Variants in STAG1 observed in about 807,000 individuals in gnomAD.
STAG1 encodes STAG1 cohesin complex component, also known as cohesin subunit SA-1.
STAG1 carries 26 observed loss-of-function variants against 170.9 expected under a neutral mutation model. That is an observed-to-expected ratio of 0.15 (90% CI 0.11 to 0.21). The LOEUF (loss-of-function observed/expected upper bound fraction) is 0.21. Among genes scored for constraint, STAG1 ranks in the 10% least tolerant of loss-of-function variants. The probability of loss-of-function intolerance (pLI) is 1.00; values close to 1 mark genes in which losing one functional copy is unlikely to be tolerated. For synonymous variants in STAG1, 514 were observed against 497.7 expected, an observed-to-expected ratio of 1.03 and a Z score of -0.44; for missense variants, 964 against 1,509.5, an observed-to-expected ratio of 0.64 and a Z score of 5.99.
chr3:136,624,926 G>A (rs560018918), intron 2 of STAG1, among the ~76,000 whole-genome samples: 2 of 152,248 alleles, frequency 1.3e-5, no homozygotes, highest in East Asian at 1.9e-4. Context: ...TAATTAGGAA[G>A]TGATGAATTT....
intron 21 of STAG1, among the ~76,000 whole-genome samples, chr3:136,410,854 A>G (rs2087606012): frequency 6.6e-6 from 1 of 152,194 alleles, no homozygotes. Context: ...CATGCCTGTC[A>G]TCCCAGCTAT....
chr3:136,512,100 A>T (rs1392210544), intron 7 of STAG1, among the ~76,000 whole-genome samples: 1 of 149,176 alleles, frequency 6.7e-6, no homozygotes, highest in Non-Finnish European at 1.5e-5. Flanking sequence ...ACAAAATAAA[A>T]AAAAAAAAAA....
At chr3:136,449,359 G>A (rs758887405) in intron 14 of STAG1, among the ~76,000 whole-genome samples, 4 of 152,058 alleles carry the variant, frequency 2.6e-5, no homozygotes, top group African/African-American at 7.2e-5. Flanking sequence ...TTAGGAGTTC[G>A]AGACCAGCCA....
intron 1 of STAG1, among the ~76,000 whole-genome samples, chr3:136,692,126 C>A (rs1479872717): frequency 6.8e-6 from 1 of 147,436 alleles, no homozygotes; most frequent in Non-Finnish European, 1.5e-5. Context: ...ACCAGCCTGG[C>A]CAACATGATG....
At chr3:136,541,538 T>TCACACACACACACACACTCACTCACACA (rs34969907) in intron 6 of STAG1, among the ~76,000 whole-genome samples, 11 of 123,216 alleles carry the variant, frequency 8.9e-5, no homozygotes, top group Non-Finnish European at 6.9e-5. Context: ...AGCTTAACAT[T>TCACACACACACACACACTCACTCACACA]CACACACACA....
At chr3:136,681,615 T>G (rs1450654762) in intron 1 of STAG1, among the ~76,000 whole-genome samples, 1 of 152,180 alleles carries the variant, frequency 6.6e-6, no homozygotes, top group Non-Finnish European at 1.5e-5. Flanking sequence ...AAAAGATAAC[T>G]TCATTTTTCA....
intron 4 of STAG1, among the ~76,000 whole-genome samples, chr3:136,571,752 G>A (rs1436141219): frequency 1.3e-5 from 2 of 151,142 alleles, no homozygotes; most frequent in Non-Finnish European, 1.5e-5. Context: ...ATGGTGGCAC[G>A]TGACCACAGT....
At chr3:136,632,169 C>CA (rs779287580) in intron 1 of STAG1, among the ~76,000 whole-genome samples, 26 of 151,932 alleles carry the variant, frequency 1.7e-4, no homozygotes, top group African/African-American at 6.0e-4. Context: ...GATAATCTTT[C>CA]AAAAAAATGA....
intron 1 of STAG1, among the ~76,000 whole-genome samples, chr3:136,730,998 G>C (rs192774241): frequency 6.6e-6 from 1 of 152,298 alleles, no homozygotes; most frequent in African/African-American, 2.4e-5. Flanking sequence ...AAGTTTCTAA[G>C]TAATGCTGAC....
chr3:136,358,656 C>T (rs1576386653), intron 27 of STAG1, among the ~76,000 whole-genome samples: 1 of 152,250 alleles, frequency 6.6e-6, no homozygotes, highest in East Asian at 1.9e-4. Flanking sequence ...CTCACTATAA[C>T]CTCAAACTCC....
chr3:136,382,010 A>C (rs940042155), intron 22 of STAG1, among the ~76,000 whole-genome samples: 5 of 152,198 alleles, frequency 3.3e-5, no homozygotes, highest in Non-Finnish European at 7.3e-5. Flanking sequence ...ATATTTAATA[A>C]ATAGTTACTC....
chr3:136,338,988 T>C (rs1190721329), intron 32 of STAG1, among the ~76,000 whole-genome samples: 3 of 152,206 alleles, frequency 2.0e-5, no homozygotes, highest in African/African-American at 4.8e-5. Context: ...TGCATGATGC[T>C]GAAGTCCTAA....
intron 4 of STAG1, among the ~76,000 whole-genome samples, chr3:136,600,719 G>A (rs13090823): frequency 6.6e-6 from 1 of 151,962 alleles, no homozygotes; most frequent in Non-Finnish European, 1.5e-5. Flanking sequence ...ATTTTTAGTA[G>A]AGATGGGATT....
chr3:136,694,680 G>A (rs1017228424), intron 1 of STAG1, among the ~76,000 whole-genome samples: 1 of 151,638 alleles, frequency 6.6e-6, no homozygotes, highest in African/African-American at 2.4e-5. Context: ...AAATTAGTCA[G>A]CAAAATGACA....
At chr3:136,536,100 C>G (rs1576580928) in intron 6 of STAG1, among the ~76,000 whole-genome samples, 1 of 152,050 alleles carries the variant, frequency 6.6e-6, no homozygotes, top group African/African-American at 2.4e-5. Context: ...CTAGTAACCA[C>G]TGACATAAAT....
rs772628263 is a variant in STAG1, at chr3:136,357,729, T to C, written c.3056A>G (p.Lys1019Arg). Reference sequence around the variant, plus strand: ...GTAATGTGCAACTTACACTGTCTTTTTGTCCTGTCGAAGAAGTTTAGAAGA... The same window carrying C: ...GTAATGTGCAACTTACACTGTCTTTCTGTCCTGTCGAAGAAGTTTAGAAGA... ...EFSSKLLRQD[K>R]KTVHSYLEKF... is the part of the protein sequence containing the mutation. The change falls in exon 28 of 34, where the codon AAA (lysine) becomes AGA (arginine). Residue 1019 changes from lysine to arginine, a missense_variant. Physicochemically the swap from Lys to Arg is conservative, Grantham distance 26 (BLOSUM62 2). This residue lies in a region of STAG1 where 149 missense variants were observed against 301.3 expected (regional missense o/e 0.49). Transcript: ENST00000383202. 6.2e-7 allele frequency: 1 copy of C among 1,600,546 alleles called. No homozygotes were observed. The highest frequency in any genetic ancestry group is 8.5e-7 in the Non-Finnish European group (1 of 1,176,962).
intron 7 of STAG1, among the ~76,000 whole-genome samples, chr3:136,520,085 T>C (rs1934595983): frequency 6.6e-6 from 1 of 152,114 alleles, no homozygotes; most frequent in African/African-American, 2.4e-5. Flanking sequence ...AAAAAAAGAA[T>C]GTAAAAACAT....
At chr3:136,548,693 C>G (rs1208774168) in intron 5 of STAG1, among the ~76,000 whole-genome samples, 1 of 152,070 alleles carries the variant, frequency 6.6e-6, no homozygotes, top group Non-Finnish European at 1.5e-5. Context: ...CCTTTAATTT[C>G]TTTCATCAAT....
chr3:136,338,442 T>C lies in STAG1; in HGVS notation c.3681A>G (p.Ser1227=). The change falls in exon 33 of 34, where the codon TCA becomes TCG. Residue 1227 remains serine (S), a synonymous_variant. Coordinates refer to ENST00000383202, the MANE Select transcript of STAG1 (RefSeq NM_005862.3). ...EDTMVIDLPP[S]RNRRERAELR... ...GCTCAGCTCTCTCTCGCCGATTTCT[T>C]GATGGAGGCTGGAAAGAGAAATCGG... 1 of 1,613,522 alleles carries C rather than the reference T, an allele frequency of 6.2e-7. No individual in the cohort carries two copies.
Sources: gnomAD v4.1 joint callset for allele counts (sites outside exome capture counted in the v4.1 genomes callset) on GRCh38, gnomAD v4.1.1 for gene constraint, gnomAD v4.1.1 regional missense constraint, MANE v1.5 for transcripts, NCBI Gene and HGNC (gene_info 2026-07-23, HGNC 2026-07-21) for gene names.